Variants in MLKL observed in about 807,000 individuals in gnomAD.
MLKL encodes mixed lineage kinase domain like pseudokinase, also known as mixed lineage kinase domain-like protein.
Under a neutral mutation model 56.5 loss-of-function variants are expected in MLKL, and 55 were observed. The ratio of observed to expected loss-of-function variants is 0.97; its 90% CI spans 0.78 to 1.22. MLKL has a LOEUF of 1.22. Among genes scored for constraint, MLKL ranks in the 50% most tolerant of loss-of-function variants. MLKL has a pLI of 0.00. For missense variants in MLKL, 694 were observed against 573.9 expected, an observed-to-expected ratio of 1.21 and a Z score of -2.14; for synonymous variants, 251 against 208.3, an observed-to-expected ratio of 1.20 and a Z score of -1.76.
At position 74,671,996 on chromosome 16, in the gene MLKL, T is replaced by C. The variant is rs1209198605; in HGVS notation, c.*508A>G. ...GCCATGTTGGTTGGGCTAGTATGAC[T>C]TCAGCTAGGAAAGCATGTTTCTGCT... is the stretch of plus-strand genomic sequence containing the variant. On this transcript the variant is annotated 3_prime_UTR_variant, in exon 11 of 11. Coordinates refer to ENST00000308807, the MANE Select transcript of MLKL (RefSeq NM_152649.4). 1 of 152,886 alleles carries C rather than the reference T, an allele frequency of 6.5e-6. No homozygotes were observed. The highest frequency in any genetic ancestry group is 2.4e-5 in the African/African-American group (1 of 41,460). The allele number at this position is 152,886 out of a possible 1,614,324, so 9.5% of individuals were successfully genotyped here.
At chr16:74,673,621 G>A (rs552873187) in intron 10 of MLKL, among the ~76,000 whole-genome samples, 2 of 152,216 alleles carry the variant, frequency 1.3e-5, no homozygotes, top group African/African-American at 4.8e-5. Flanking sequence ...GGAAGCTATG[G>A]AGAAGCAGCT....
chr16:74,692,210 C>G, intron 3 of MLKL, 132 bp downstream of exon 3: 1 of 783,756 alleles, frequency 1.3e-6, no homozygotes, highest in Admixed American at 2.4e-5. Context: ...GATCCCCAAA[C>G]CTGTGGGCTG....
chr16:74,688,014 A>AT (rs1597500237), intron 4 of MLKL, among the ~76,000 whole-genome samples: 5 of 151,866 alleles, frequency 3.3e-5, no homozygotes, highest in South Asian at 2.1e-4. Context: ...TTTAGTAGAG[A>AT]CGGGTTTCAC....
intron 6 of MLKL, among the ~76,000 whole-genome samples, chr16:74,680,709 G>T (rs1597487545): frequency 2.0e-5 from 3 of 152,268 alleles, no homozygotes; most frequent in East Asian, 3.9e-4. Context: ...GTTTCACCGT[G>T]TTGGGCAGGA....
rs1450728859 is a variant in MLKL, at chr16:74,692,501, G to C, written c.461-85C>G. 1.1e-5 allele frequency: 12 copies of C among 1,088,438 alleles called. No individual in the cohort carries two copies. In the East Asian group the frequency reaches 1.9e-4, roughly 18 times the overall value. 67.4% of individuals were successfully genotyped at this position (1,088,438 alleles called of 1,614,324 possible). ...AACTAAAATGCTAATTAAAACTGTT[G>C]AGATATCATTTTTTACCTATCATAT... On this transcript the variant is annotated intron_variant, in intron 2 of 10. Transcript: ENST00000308807.
intron 5 of MLKL, among the ~76,000 whole-genome samples, chr16:74,684,459 C>T (rs1298048245): frequency 3.5e-5 from 5 of 143,972 alleles, no homozygotes; most frequent in African/African-American, 1.3e-4. Context: ...AAGAGCCTGT[C>T]ACATAAGGCT....
In MLKL at chr16:74,695,707, C is replaced by T. The variant is rs1281837305; in HGVS notation, c.51G>A (p.Arg17=). The T allele has an allele frequency of 1.2e-6, 2 of 1,613,790 alleles. No homozygotes were observed. The highest frequency in any genetic ancestry group is 1.7e-5 in the Admixed American group (1 of 59,960). Reference sequence around the variant, plus strand: ...TCTTGCAGTATTTCATCTCTTCACACCGTTTGTGGATGACCTGGCCAAGGG... The same window carrying T: ...TCTTGCAGTATTTCATCTCTTCACATCGTTTGTGGATGACCTGGCCAAGGG... ...IITLGQVIHK[R]CEEMKYCKKQ... is the part of the protein sequence containing the mutation. Residue 17 remains arginine (R), a synonymous_variant, in exon 2 of 11, where the codon CGG becomes CGA. Coordinates refer to ENST00000308807, the MANE Select transcript of MLKL (RefSeq NM_152649.4).
chr16:74,692,496 CTGT>C, intron 2 of MLKL, 80 bp from the exon 3 acceptor site: 3 of 1,131,176 alleles, frequency 2.7e-6, no homozygotes, highest in Non-Finnish European at 3.9e-6. Flanking sequence ...CTAATTAAAA[CTGT>C]TGAGATATCA....
At chr16:74,695,226 C>A in intron 2 of MLKL, 72 bp downstream of exon 2, 1 of 1,463,598 alleles carries the variant, frequency 6.8e-7, no homozygotes, top group South Asian at 1.2e-5. Context: ...CATTGCTGCT[C>A]CTTTGGTAAA....
chr16:74,700,251 T>C (rs1172472511), intron 1 of MLKL, among the ~76,000 whole-genome samples: 3 of 152,080 alleles, frequency 2.0e-5, no homozygotes, highest in Non-Finnish European at 2.9e-5. Context: ...CCACTGCTAC[T>C]GGGCGTCTCG....
intron 2 of MLKL, among the ~76,000 whole-genome samples, chr16:74,694,698 G>C (rs1020730583): frequency 1.3e-5 from 2 of 152,088 alleles, no homozygotes; most frequent in Non-Finnish European, 2.9e-5. Flanking sequence ...TGAACCTGAG[G>C]CTGCAGTGAG....
At chr16:74,680,483 TTTTG>T (rs1297233244) in intron 6 of MLKL, among the ~76,000 whole-genome samples, 11 of 151,890 alleles carry the variant, frequency 7.2e-5, no homozygotes, top group Admixed American at 1.3e-4. Flanking sequence ...GGTATTTTTT[TTTTG>T]TTTTTTTGTT....
chr16:74,683,029 G>T (rs1193241764), intron 5 of MLKL, among the ~76,000 whole-genome samples: 1 of 151,984 alleles, frequency 6.6e-6, no homozygotes, highest in Admixed American at 6.6e-5. Flanking sequence ...AAAAAAAATT[G>T]GCTGGGTGCG....
chr16:74,677,104 G>A (rs1959645050), intron 7 of MLKL: 1 of 151,984 alleles, frequency 6.6e-6, no homozygotes, highest in South Asian at 2.1e-4. Flanking sequence ...CCAGGTTGGA[G>A]AGCAGTGGTG....
chr16:74,679,373 G>A (rs1443169859), intron 6 of MLKL, among the ~76,000 whole-genome samples: 3 of 152,162 alleles, frequency 2.0e-5, no homozygotes, highest in Admixed American at 1.3e-4. Flanking sequence ...CTGGGGTCCC[G>A]CTGACTTCCA....
chr16:74,676,356 T>C (rs6564157), intron 7 of MLKL: 568,563 of 985,158 alleles, frequency 0.58, 165,591 homozygotes, highest in East Asian at 0.82. Flanking sequence ...TCTTGTCCCA[T>C]GCACACCTGC....
chr16:74,681,146 C>A (rs190474004), intron 6 of MLKL, among the ~76,000 whole-genome samples: 333 of 152,160 alleles, frequency 2.2e-3, no homozygotes, highest in Non-Finnish European at 3.2e-3. Flanking sequence ...TCCCTCAAGC[C>A]TCCTGAGTAG....
Position 74,678,933 on chromosome 16 carries a change from G to C in MLKL, c.1004C>G (p.Ser335Ter). ...GTAGCCTTGAGTTACCAGGAAGTTT[G>C]AGCTTCTGATTTTTCCGTGGAGTTC... is the stretch of plus-strand genomic sequence containing the variant. Reference protein sequence around the residue: ...APELHGKIRSSNFLVTQGYQV... With the variant: ...APELHGKIRS Residue 335 changes from serine (S) to a stop codon, truncating the protein, a stop_gained, in exon 7 of 11, where the codon TCA becomes TGA. Transcript: ENST00000308807. LOFTEE classifies it high-confidence loss of function. The C allele has an allele frequency of 6.2e-7, 1 of 1,614,146 alleles. No individual in the cohort carries two copies. The highest frequency in any genetic ancestry group is 8.5e-7 in the Non-Finnish European group (1 of 1,180,010).
Position 74,675,079 on chromosome 16 carries a change from C to T in MLKL, c.1262G>A (p.Arg421His), listed in dbSNP as rs55987292. Residue 421 changes from arginine (R) to histidine (H), a missense_variant, in exon 10 of 11, where the codon CGC (arginine) becomes CAC (histidine). By Grantham distance (29) the Arg-to-His change is conservative. Coordinates refer to ENST00000308807, the MANE Select transcript of MLKL (RefSeq NM_152649.4). Reference sequence around the variant, plus strand: ...CTGCCGCTTCACAGCCACCAGCTTGCGGATCTTCTCAGAATTACAGCCTGG... The same window carrying T: ...CTGCCGCTTCACAGCCACCAGCTTGTGGATCTTCTCAGAATTACAGCCTGG... ...PFQGCNSEKI[R>H]KLVAVKRQQE... 17 of 1,613,956 alleles carry T rather than the reference C, an allele frequency of 1.1e-5. No individual in the cohort carries two copies. In the African/African-American group the frequency reaches 1.5e-4, roughly 14 times the overall value.
Sources: allele counts gnomAD v4.1 joint callset (sites outside exome capture counted in the v4.1 genomes callset), GRCh38; gene constraint gnomAD v4.1.1; transcripts MANE v1.5; gene names NCBI Gene and HGNC (gene_info 2026-07-23, HGNC 2026-07-21).